CADPS2: variants seen among roughly 807,000 people sequenced by gnomAD.
CADPS2 encodes calcium-dependent secretion activator 2.
Under a neutral mutation model 172.5 loss-of-function variants are expected in CADPS2, and 93 were observed. The ratio of observed to expected loss-of-function variants is 0.54; its 90% confidence interval spans 0.46 to 0.64. The LOEUF (loss-of-function observed/expected upper bound fraction) is 0.64, where lower values mean the gene tolerates loss of function less well. CADPS2 is among the 30% of genes least tolerant of loss of function. CADPS2 has a pLI of 0.00. For synonymous variants in CADPS2, 546 were observed against 555.2 expected, an observed-to-expected ratio of 0.98 and a Z score of 0.23; for missense variants, 1,420 against 1,565.9, an observed-to-expected ratio of 0.91 and a Z score of 1.57.
At chr7:122,807,712 A>G (rs142025704) in intron 1 of CADPS2, among the ~76,000 whole-genome samples, 122 of 152,206 alleles carry the variant, frequency 8.0e-4, no homozygotes, top group Non-Finnish European at 1.2e-3. Flanking sequence ...TTGCAAATGG[A>G]TACCCTCTTG....
chr7:122,695,929 C>T (rs1038843219), intron 2 of CADPS2, among the ~76,000 whole-genome samples: 5 of 152,094 alleles, frequency 3.3e-5, no homozygotes, highest in Admixed American at 6.5e-5. Flanking sequence ...CAAACAAATT[C>T]CTGAACTACC....
At chr7:122,451,529 A>G (rs1586178200) in intron 14 of CADPS2, 54 bp from the exon 15 acceptor site, 2 of 1,011,532 alleles carry the variant, frequency 2.0e-6, no homozygotes, top group East Asian at 2.8e-5. Context: ...TTACTTTTAT[A>G]TATTTTATAC....
intron 17 of CADPS2, among the ~76,000 whole-genome samples, chr7:122,434,121 A>G (rs933297876): frequency 6.6e-6 from 1 of 152,182 alleles, no homozygotes; most frequent in African/African-American, 2.4e-5. Context: ...AGGGGAGAAA[A>G]TGCCTTAAGA....
chr7:122,466,126 G>A (rs1318269632), intron 14 of CADPS2, among the ~76,000 whole-genome samples: 1 of 152,162 alleles, frequency 6.6e-6, no homozygotes, highest in Non-Finnish European at 1.5e-5. Flanking sequence ...GCTATGTCAA[G>A]GTGTAACCCT....
chr7:122,445,925 G>A (rs2052129496), intron 15 of CADPS2, among the ~76,000 whole-genome samples: 1 of 152,204 alleles, frequency 6.6e-6, no homozygotes, highest in South Asian at 2.1e-4. Context: ...AATAAAGATA[G>A]TTTTGCTTCT....
chr7:122,578,288 T>A (rs910822137), intron 7 of CADPS2, among the ~76,000 whole-genome samples: 10 of 152,018 alleles, frequency 6.6e-5, no homozygotes, highest in Non-Finnish European at 1.0e-4. Context: ...TTTTTTCCAA[T>A]TGTGTGTGTG....
chr7:122,519,396 T>A (rs373385294), intron 8 of CADPS2, among the ~76,000 whole-genome samples: 1 of 152,014 alleles, frequency 6.6e-6, no homozygotes, highest in African/African-American at 2.4e-5. Context: ...ACAACAACAA[T>A]TGCCTGCTTA....
chr7:122,675,006 T>C (rs1196401472), intron 2 of CADPS2, among the ~76,000 whole-genome samples: 2 of 152,238 alleles, frequency 1.3e-5, no homozygotes, highest in African/African-American at 4.8e-5. Flanking sequence ...ATAATTTTGG[T>C]TTTCCAGTAT....
intron 1 of CADPS2, among the ~76,000 whole-genome samples, chr7:122,885,002 C>T (rs1823941822): frequency 6.6e-6 from 1 of 152,188 alleles, no homozygotes; most frequent in African/African-American, 2.4e-5. Context: ...GTAGGTATGC[C>T]TTGAGCAGAC....
At chr7:122,859,347 A>G (rs936940389) in intron 1 of CADPS2, among the ~76,000 whole-genome samples, 1 of 152,216 alleles carries the variant, frequency 6.6e-6, no homozygotes, top group African/African-American at 2.4e-5. Context: ...CTTAATGTAT[A>G]TAATACCTGG....
chr7:122,429,110 A>G (rs1388581576), intron 17 of CADPS2, among the ~76,000 whole-genome samples: 2 of 152,060 alleles, frequency 1.3e-5, no homozygotes, highest in African/African-American at 4.8e-5. Context: ...TGTATCTGTT[A>G]TAAACTTGAT....
chr7:122,619,437 A>G (rs894490080), intron 5 of CADPS2, among the ~76,000 whole-genome samples: 6 of 149,570 alleles, frequency 4.0e-5, no homozygotes, highest in Admixed American at 1.3e-4. Flanking sequence ...ACATGGCGAA[A>G]CCCCATCTTT....
chr7:122,833,779 T>A (rs1313724794), intron 1 of CADPS2, among the ~76,000 whole-genome samples: 2 of 152,162 alleles, frequency 1.3e-5, no homozygotes, highest in Non-Finnish European at 2.9e-5. Context: ...AGAGTATATT[T>A]CTACTTCTCA....
At chr7:122,819,668 C>CTA (rs1802552059) in intron 1 of CADPS2, among the ~76,000 whole-genome samples, 2 of 151,562 alleles carry the variant, frequency 1.3e-5, no homozygotes, top group Admixed American at 1.3e-4. Flanking sequence ...CCCCACCTGC[C>CTA]CAGTTCCCTT....
chr7:122,725,136 GATA>G, intron 2 of CADPS2, among the ~76,000 whole-genome samples: 1 of 152,058 alleles, frequency 6.6e-6, no homozygotes, highest in African/African-American at 2.4e-5. Flanking sequence ...TTCTTTTGGT[GATA>G]ATGACACAGG....
chr7:122,743,561 G>A (rs2092591284), intron 1 of CADPS2, among the ~76,000 whole-genome samples: 1 of 152,148 alleles, frequency 6.6e-6, no homozygotes, highest in African/African-American at 2.4e-5. Flanking sequence ...CAGCAAAGTG[G>A]CAGAAAACTT....
intron 3 of CADPS2, among the ~76,000 whole-genome samples, chr7:122,662,079 C>T (rs569868787): frequency 6.6e-6 from 1 of 152,178 alleles, no homozygotes; most frequent in East Asian, 1.9e-4. Context: ...TTGAAATGAT[C>T]CACAAATTAC....
intron 3 of CADPS2, among the ~76,000 whole-genome samples, chr7:122,640,991 G>C (rs1254073442): frequency 6.6e-6 from 1 of 151,340 alleles, no homozygotes; most frequent in Non-Finnish European, 1.5e-5. Flanking sequence ...TTTAGGCTAT[G>C]AGATACATAA....
intron 2 of CADPS2, among the ~76,000 whole-genome samples, chr7:122,708,368 G>T (rs1168836100): frequency 8.0e-5 from 12 of 150,810 alleles, no homozygotes; most frequent in Admixed American, 2.7e-4. Context: ...GATCATTTCA[G>T]TAAGAGTATA....
Sources: allele counts gnomAD v4.1 joint callset (sites outside exome capture counted in the v4.1 genomes callset), GRCh38; gene constraint gnomAD v4.1.1; transcripts MANE v1.5; gene names NCBI Gene and HGNC (gene_info 2026-07-23, HGNC 2026-07-21).